SMPDL3B: variants seen among roughly 807,000 people sequenced by gnomAD.
SMPDL3B encodes sphingomyelin phosphodiesterase acid like 3B.
SMPDL3B carries 31 observed loss-of-function variants against 37.9 expected under a neutral mutation model. The ratio of observed to expected loss-of-function variants is 0.82; its 90% CI spans 0.61 to 1.10. The LOEUF (loss-of-function observed/expected upper bound fraction) is 1.10. Ranked by LOEUF, SMPDL3B falls within the 50% of genes least tolerant of loss-of-function variation. The pLI, the probability that SMPDL3B is intolerant of heterozygous loss-of-function variation, is 0.00. For missense variants in SMPDL3B, 525 were observed against 597.8 expected, an observed-to-expected ratio of 0.88 and a Z score of 1.27; for synonymous variants, 235 against 242.6, an observed-to-expected ratio of 0.97 and a Z score of 0.29.
intron 2 of SMPDL3B, 82 bp from the exon 3 acceptor site, chr1:27,948,983 T>C (rs1313611692): frequency 1.2e-6 from 2 of 1,600,036 alleles, no homozygotes; most frequent in East Asian, 4.5e-5. Context: ...TAGGTTTTCC[T>C]CTCACTGCAG....
chr1:27,958,853 C>A lies in SMPDL3B; in HGVS notation c.*15C>A. 6.4e-7 allele frequency: 1 copy of A among 1,560,520 alleles called. No homozygotes were observed. Among genetic ancestry groups the A allele is most frequent in the Non-Finnish European group, 8.7e-7 (1 of 1,149,116 alleles). On this transcript the variant is annotated 3_prime_UTR_variant, in exon 8 of 8. Coordinates refer to ENST00000373894, the MANE Select transcript of SMPDL3B (RefSeq NM_014474.4). The surrounding 1 kb of genome is among the most constrained non-coding windows in gnomAD (Gnocchi z 5.6). ...TCGTGCTGTGACCTGCCAGGCTCACCTTCTTCCTGGTAACGGGTAACGGGG... is the reference window on the plus strand; with the variant it reads ...TCGTGCTGTGACCTGCCAGGCTCACATTCTTCCTGGTAACGGGTAACGGGG...
intron 1 of SMPDL3B, among the ~76,000 whole-genome samples, chr1:27,938,383 G>A (rs2090326721): frequency 6.6e-6 from 1 of 152,204 alleles, no homozygotes; most frequent in African/African-American, 2.4e-5. Flanking sequence ...AAAATAAGAT[G>A]TCCCTGATTG....
chr1:27,945,105 G>C lies in SMPDL3B; in HGVS notation c.62-127G>C, dbSNP rs1171397610. The C allele has an allele frequency of 5.1e-6, 4 of 788,258 alleles. No homozygotes were observed. The highest frequency in any genetic ancestry group is 6.3e-6 in the Non-Finnish European group (3 of 474,400). 48.8% of individuals were successfully genotyped at this position (788,258 alleles called of 1,614,324 possible). A position where few individuals can be genotyped will look rare whatever the true frequency, so the allele number is the denominator to read the frequency against. On this transcript the variant is annotated intron_variant, in intron 1 of 7. Transcript: ENST00000373894. The surrounding 1 kb of genome is among the most constrained non-coding windows in gnomAD (Gnocchi z 4.0). ...CTGTGGGCCTTTTCTCTGAACCCGG[G>C]GTGCTCAGAGAAGACTTCCATTTGC...
chr1:27,954,320 G>A (rs779574144), intron 4 of SMPDL3B, 34 bp from the exon 5 acceptor site: 4 of 1,591,578 alleles, frequency 2.5e-6, no homozygotes, highest in East Asian at 2.3e-5. Flanking sequence ...GCCAGAGGTG[G>A]GGGCCTCCTT....
chr1:27,957,401 G>C lies in SMPDL3B; in HGVS notation c.1006-1075G>C, dbSNP rs904990251. On this transcript the variant is annotated intron_variant, in intron 7 of 7. Transcript: ENST00000373894. ...TGTGCAACGGTAGGCTGTGGCTGCC[G>C]ATTACTGAGATAAGTGGCAGGGTGA... Among the ~76,000 whole-genome samples, 3 of 152,136 alleles carry C rather than the reference G, an allele frequency of 2.0e-5. No homozygotes were observed. In the South Asian group the frequency reaches 6.2e-4, roughly 32 times the overall value.
At position 27,958,926 on chromosome 1, in the gene SMPDL3B, C is replaced by A. The variant is rs765697727; in HGVS notation, c.*88C>A. 8.6e-6 allele frequency: 12 copies of A among 1,393,166 alleles called. No homozygotes were observed. Among genetic ancestry groups the A allele is most frequent in the Non-Finnish European group, 1.1e-5 (12 of 1,052,614 alleles). 86.3% of individuals were successfully genotyped at this position (1,393,166 alleles called of 1,614,324 possible). A position where few individuals can be genotyped will look rare whatever the true frequency, so the allele number is the denominator to read the frequency against. ...GCTGGGCCTTCCACCATTTCCTCCG[C>A]GCCTGAGGAGTGAACTGAAATAGGA... is the stretch of plus-strand genomic sequence containing the variant. On this transcript the variant is annotated 3_prime_UTR_variant, in exon 8 of 8. Transcript: ENST00000373894. The surrounding 1 kb of genome is among the most constrained non-coding windows in gnomAD (Gnocchi z 5.6).
Position 27,949,051 on chromosome 1 carries a change from G to GT in SMPDL3B, c.276-13dup. ...GAGTTGCCTGCCCCAAATTGGCTTG[G>GT]TGGTGTTTTGTAGTGATGACACGCC... On this transcript the variant is annotated splice_polypyrimidine_tract_variant and intron_variant, in intron 2 of 7. Coordinates refer to ENST00000373894, the MANE Select transcript of SMPDL3B (RefSeq NM_014474.4). 2 of 1,614,166 alleles carry GT rather than the reference G, an allele frequency of 1.2e-6. No homozygotes were observed. Among genetic ancestry groups the GT allele is most frequent in the South Asian group, 2.2e-5 (2 of 91,082 alleles).
chr1:27,952,681 C>T (rs1422488474), intron 3 of SMPDL3B, among the ~76,000 whole-genome samples: 1 of 152,212 alleles, frequency 6.6e-6, no homozygotes, highest in Non-Finnish European at 1.5e-5. Context: ...ATCCCTTACA[C>T]CTCTACTCAA....
intron 5 of SMPDL3B, 144 bp from the exon 6 acceptor site, chr1:27,955,540 A>G (rs1215778936): frequency 1.2e-5 from 9 of 757,408 alleles, no homozygotes; most frequent in Non-Finnish European, 2.2e-6. Flanking sequence ...AGAAAGTGGG[A>G]CATGGAATCC....
At chr1:27,956,951 G>A (rs1001827619) in intron 7 of SMPDL3B, among the ~76,000 whole-genome samples, 1 of 152,058 alleles carries the variant, frequency 6.6e-6, no homozygotes, top group Non-Finnish European at 1.5e-5. Context: ...GGAGGGAACA[G>A]CAAGTCAAAG....
chr1:27,955,005 G>A (rs760600182), intron 5 of SMPDL3B, among the ~76,000 whole-genome samples: 26 of 152,216 alleles, frequency 1.7e-4, no homozygotes, highest in Non-Finnish European at 3.1e-4. Flanking sequence ...TGGTGCCCAT[G>A]AGCATGCACT....
At position 27,959,028 on chromosome 1, in the gene SMPDL3B, A is replaced by C; in HGVS notation, c.*190A>C. 1.6e-6 allele frequency: 1 copy of C among 635,134 alleles called. No homozygotes were observed. Among genetic ancestry groups the C allele is most frequent in the Non-Finnish European group, 2.6e-6 (1 of 379,194 alleles). 39.3% of individuals were successfully genotyped at this position (635,134 alleles called of 1,614,324 possible). A position where few individuals can be genotyped will look rare whatever the true frequency, so the allele number is the denominator to read the frequency against. ...CCACTGCACTCCAGCCTGGGTGACA[A>C]AGCCAGACTCTCTCCAAAAACAAAC... is the stretch of plus-strand genomic sequence containing the variant. On this transcript the variant is annotated 3_prime_UTR_variant, in exon 8 of 8. Transcript: ENST00000373894.
At chr1:27,956,851 G>T (rs1422272474) in intron 7 of SMPDL3B, among the ~76,000 whole-genome samples, 1 of 150,536 alleles carries the variant, frequency 6.6e-6, no homozygotes, top group Admixed American at 6.6e-5. Flanking sequence ...TACTGTGTTA[G>T]ATAGGTGGGA....
chr1:27,949,102 G>A lies in SMPDL3B; in HGVS notation c.313G>A (p.Glu105Lys), dbSNP rs2090434332. ...TPHVPDEKLG[E>K]AAVLEIVERL... is the part of the protein sequence containing the mutation. Reference sequence around the variant, plus strand: ...TCATGTGCCCGATGAGAAACTGGGAGAGGCAGCTGTACTGGAAATTGTGGA... The same window carrying A: ...TCATGTGCCCGATGAGAAACTGGGAAAGGCAGCTGTACTGGAAATTGTGGA... The change falls in exon 3 of 8, where the codon GAG becomes AAG. Residue 105 changes from glutamate (E) to lysine (K), a missense_variant. Glu to Lys is a moderately conservative substitution (Grantham distance 56). Coordinates refer to ENST00000373894, the MANE Select transcript of SMPDL3B (RefSeq NM_014474.4). 1 of 1,614,248 alleles carries A rather than the reference G, an allele frequency of 6.2e-7. No individual in the cohort carries two copies. Among genetic ancestry groups the A allele is most frequent in the Non-Finnish European group, 8.5e-7 (1 of 1,180,036 alleles).
chr1:27,955,837 A>G lies in SMPDL3B; in HGVS notation c.844A>G (p.Ser282Gly). The change falls in exon 6 of 8, where the codon AGC (serine) becomes GGC (glycine). Residue 282 changes from serine (S) to glycine (G), a missense_variant. Transcript: ENST00000373894. ...GQFFGHHHTDSFRMLYDDAGV... is the reference protein window; with the variant it reads ...GQFFGHHHTDGFRMLYDDAGV... ...GTTCTTCGGGCACCACCACACCGACAGCTTTCGGATGCTCTATGATGATGC... is the reference window on the plus strand; with the variant it reads ...GTTCTTCGGGCACCACCACACCGACGGCTTTCGGATGCTCTATGATGATGC... 1 of 1,614,090 alleles carries G rather than the reference A, an allele frequency of 6.2e-7. No individual in the cohort carries two copies. The highest frequency in any genetic ancestry group is 8.5e-7 in the Non-Finnish European group (1 of 1,179,976).
At chr1:27,937,845 T>C (rs1338082390) in intron 1 of SMPDL3B, among the ~76,000 whole-genome samples, 3 of 152,004 alleles carry the variant, frequency 2.0e-5, no homozygotes, top group South Asian at 2.1e-4. Flanking sequence ...CCAGACCAGA[T>C]TGAGGACTAG....
Position 27,945,562 on chromosome 1 carries a change from C to A in SMPDL3B, c.275+117C>A. On this transcript the variant is annotated intron_variant, in intron 2 of 7. Transcript: ENST00000373894. The surrounding 1 kb of genome is among the most constrained non-coding windows in gnomAD (Gnocchi z 4.0). The stretch of plus-strand genomic sequence containing the variant: ...ATCCTCACATCAGTCTCACGTGAGG[C>A]TGAGGAACCTAAAGCTCAAAGGAAT... 2 of 838,074 alleles carry A rather than the reference C, an allele frequency of 2.4e-6. No individual in the cohort carries two copies. The highest frequency in any genetic ancestry group is 3.9e-6 in the Non-Finnish European group (2 of 514,248). The allele number at this position is 838,074 out of a possible 1,614,324, so 51.9% of individuals were successfully genotyped here.
chr1:27,935,069 C>A lies in SMPDL3B; in HGVS notation c.-115C>A. 1.4e-6 allele frequency: 1 copy of A among 738,044 alleles called. No individual in the cohort carries two copies. Among genetic ancestry groups the A allele is most frequent in the South Asian group, 1.7e-5 (1 of 59,422 alleles). 45.7% of individuals were successfully genotyped at this position (738,044 alleles called of 1,614,324 possible). On this transcript the variant is annotated 5_prime_UTR_variant, in exon 1 of 8. Coordinates refer to ENST00000373894, the MANE Select transcript of SMPDL3B (RefSeq NM_014474.4). The stretch of plus-strand genomic sequence containing the variant: ...CTTGGAGGACTTGGAACACCTGTAA[C>A]AGGACAAGGAGTTCTGCTCAGGCAC...
Position 27,945,257 on chromosome 1 carries a change from G to A in SMPDL3B, c.87G>A (p.Leu29=). The change falls in exon 2 of 8, where the codon CTG becomes CTA. Residue 29 remains leucine, a synonymous_variant. Transcript: ENST00000373894. This position sits in a 1 kb window ranked among gnomAD's most constrained non-coding sequence, Gnocchi z 4.0. ...GGAAGTTCTGGCACATCGCTGACCT[G>A]CACCTTGACCCTGACTACAAGGTAT... The part of the protein sequence containing the change: ...EPGKFWHIAD[L]HLDPDYKVSK... 2.5e-6 allele frequency: 4 copies of A among 1,614,134 alleles called. No individual in the cohort carries two copies. The highest frequency in any genetic ancestry group is 3.4e-6 in the Non-Finnish European group (4 of 1,180,014).
Sources: gnomAD v4.1 joint callset for allele counts (sites outside exome capture counted in the v4.1 genomes callset) on GRCh38, gnomAD v4.1.1 for gene constraint, Gnocchi (gnomAD v3.1) non-coding constraint, MANE v1.5 for transcripts, NCBI Gene and HGNC (gene_info 2026-07-23, HGNC 2026-07-21) for gene names.